AKAP9: variants seen among roughly 807,000 people sequenced by gnomAD.
The protein encoded by AKAP9 is A-kinase anchor protein 9.
A neutral mutation model predicts 488.5 loss-of-function variants in AKAP9; 311 were observed. The ratio of observed to expected loss-of-function variants is 0.64; its 90% CI spans 0.58 to 0.70. The LOEUF is 0.70. Ranked by LOEUF, AKAP9 falls within the 30% of genes least tolerant of loss-of-function variation. The pLI is 0.00. For missense variants in AKAP9, 4,215 were observed against 4,374.5 expected, an observed-to-expected ratio of 0.96 and a Z score of 1.03; for synonymous variants, 1,462 against 1,483.5, an observed-to-expected ratio of 0.99 and a Z score of 0.33.
rs545477502 is a variant in AKAP9, at chr7:91,972,905, C to T, written c.49-806C>T. Among the ~76,000 whole-genome samples the T allele has an allele frequency of 4.6e-5, 7 of 152,192 alleles. No individual in the cohort carries two copies. The East Asian group carries it at 1.2e-3, about 25-fold the overall frequency. Reference sequence around the variant, plus strand: ...TGCTGTTTGATATTTAAGTTATTTCCAGTTTTTTTTCCCATTATGAATAAG... The same window carrying T: ...TGCTGTTTGATATTTAAGTTATTTCTAGTTTTTTTTCCCATTATGAATAAG... On this transcript the variant is annotated intron_variant, in intron 1 of 49. Coordinates refer to ENST00000356239, the MANE Select transcript of AKAP9 (RefSeq NM_005751.5).
At chr7:92,100,770 C>A in intron 44 of AKAP9, 86 bp from the exon 45 acceptor site, 1 of 1,503,634 alleles carries the variant, frequency 6.7e-7, no homozygotes, top group Non-Finnish European at 9.2e-7. Context: ...AAAGTTGAGA[C>A]TGCATCATCA....
chr7:91,992,809 G>T, intron 4 of AKAP9, 76 bp from the exon 5 acceptor site: 2 of 1,399,696 alleles, frequency 1.4e-6, no homozygotes, highest in Non-Finnish European at 1.0e-6. Context: ...ACCTTGCTAT[G>T]GATTTCAGTA....
intron 20 of AKAP9, 54 bp from the exon 21 acceptor site, chr7:92,044,954 G>C: frequency 7.2e-7 from 1 of 1,394,704 alleles, no homozygotes; most frequent in Admixed American, 1.7e-5. Context: ...CATAAGCAAA[G>C]TGTTTGCTTC....
Position 92,079,460 on chromosome 7 carries a change from A to AT in AKAP9, c.7329dup (p.Gln2444SerfsTer7). On this transcript the variant is annotated frameshift_variant, in exon 31 of 50. Transcript: ENST00000356239. LOFTEE classifies it high-confidence loss of function. ...GAGAGAACGTGAAAGTGTGGAAAAG[A>AT]TTCAAAGCATACCAGAGAATAGTGT... is the stretch of plus-strand genomic sequence containing the variant. 1 of 1,614,080 alleles carries AT rather than the reference A, an allele frequency of 6.2e-7. No homozygotes were observed. Among genetic ancestry groups the AT allele is most frequent in the Non-Finnish European group, 8.5e-7 (1 of 1,180,010 alleles).
chr7:92,054,470 C>T (rs1808454627), intron 22 of AKAP9, among the ~76,000 whole-genome samples: 1 of 151,962 alleles, frequency 6.6e-6, no homozygotes, highest in Admixed American at 6.6e-5. Flanking sequence ...TACTCTGAGA[C>T]CAGAGAAGAG....
In AKAP9 at chr7:92,080,046, A is replaced by G; in HGVS notation, c.7913A>G (p.Glu2638Gly). Residue 2638 changes from glutamate (E) to glycine (G), a missense_variant, in exon 31 of 50, where the codon GAA becomes GGA. Physicochemically the swap from Glu to Gly is moderately conservative, Grantham distance 98. Around this residue, in one of 5 missense-constraint regions of AKAP9, gnomAD observed 1,476 missense variants for 1,477.4 expected, o/e 1.00. Transcript: ENST00000356239. Reference protein sequence around the residue: ...QVEIAEKNVLEKEKKLLELQK... With the variant: ...QVEIAEKNVLGKEKKLLELQK... ...GAAATTGCAGAAAAAAATGTTTTAG[A>G]AAAAGAAAAGAAGCTGCTAGAACTA... 6.4e-7 allele frequency: 1 copy of G among 1,564,472 alleles called. No individual in the cohort carries two copies. Among genetic ancestry groups the G allele is most frequent in the Non-Finnish European group, 8.6e-7 (1 of 1,164,938 alleles).
chr7:91,976,226 T>A (rs1277024595), intron 2 of AKAP9, among the ~76,000 whole-genome samples: 1 of 151,454 alleles, frequency 6.6e-6, no homozygotes, highest in African/African-American at 2.4e-5. Flanking sequence ...CCCATCCACT[T>A]ATTTTATTGT....
At chr7:92,037,959 T>C (rs1407638907) in intron 16 of AKAP9, among the ~76,000 whole-genome samples, 1 of 152,156 alleles carries the variant, frequency 6.6e-6, no homozygotes, top group Non-Finnish European at 1.5e-5. Context: ...CTTGAAGAGG[T>C]ATTTACTATA....
chr7:91,981,957 T>G (rs1562930549), intron 3 of AKAP9, among the ~76,000 whole-genome samples: 1 of 152,198 alleles, frequency 6.6e-6, no homozygotes, highest in Non-Finnish European at 1.5e-5. Context: ...TTAAACTGCC[T>G]GTATCTCTGG....
At chr7:92,070,731 G>A (rs1480491440) in intron 27 of AKAP9, among the ~76,000 whole-genome samples, 174 bp from the exon 28 acceptor site, 5 of 148,322 alleles carry the variant, frequency 3.4e-5, no homozygotes, top group South Asian at 2.1e-4. Flanking sequence ...CATCATGCCC[G>A]GCCAACTTTT....
chr7:92,046,006 G>A (rs931809869), intron 21 of AKAP9, among the ~76,000 whole-genome samples: 1 of 151,630 alleles, frequency 6.6e-6, no homozygotes, highest in African/African-American at 2.4e-5. Flanking sequence ...GCTAATTTTT[G>A]TATTTTTAGT....
chr7:92,057,276 T>G (rs1748198149), intron 22 of AKAP9, among the ~76,000 whole-genome samples: 4 of 152,138 alleles, frequency 2.6e-5, no homozygotes, highest in Non-Finnish European at 4.4e-5. Flanking sequence ...AGAAATAACT[T>G]TGATTATTTT....
intron 39 of AKAP9, 64 bp from the exon 40 acceptor site, chr7:92,094,957 TTC>T: frequency 5.4e-6 from 8 of 1,492,848 alleles, no homozygotes; most frequent in Non-Finnish European, 6.5e-6. Context: ...GAAGCTGTTT[TTC>T]TCTCTCTCAT....
chr7:91,996,072 A>G (rs1172273148), intron 7 of AKAP9: 1 of 394,728 alleles, frequency 2.5e-6, no homozygotes, highest in Non-Finnish European at 4.5e-6. Flanking sequence ...GTCATTTATA[A>G]TTATTTCCAC....
chr7:92,037,886 T>G (rs1380573573), intron 16 of AKAP9, among the ~76,000 whole-genome samples: 1 of 152,192 alleles, frequency 6.6e-6, no homozygotes, highest in African/African-American at 2.4e-5. Context: ...TTATACTACA[T>G]CTATGTAATA....
intron 10 of AKAP9, among the ~76,000 whole-genome samples, chr7:92,014,985 G>T (rs1374090024): frequency 6.6e-6 from 1 of 152,128 alleles, no homozygotes; most frequent in Non-Finnish European, 1.5e-5. Context: ...CAGTTTCTTT[G>T]TCTGTAAATT....
At chr7:91,958,786 A>G (rs1793362816) in intron 1 of AKAP9, among the ~76,000 whole-genome samples, 1 of 152,108 alleles carries the variant, frequency 6.6e-6, no homozygotes, top group Non-Finnish European at 1.5e-5. Context: ...ACGTTACTTA[A>G]ATCTTACTCT....
intron 21 of AKAP9, among the ~76,000 whole-genome samples, chr7:92,049,112 A>G (rs1807485691): frequency 6.6e-6 from 1 of 152,216 alleles, no homozygotes. Flanking sequence ...GGGAATGAAC[A>G]TGATATAATC....
In AKAP9 at chr7:92,079,936, A is replaced by G. The variant is rs1221525793; in HGVS notation, c.7803A>G (p.Ile2601Met). 3.1e-6 allele frequency: 5 copies of G among 1,612,098 alleles called. No individual in the cohort carries two copies. The East Asian group carries it at 8.9e-5, about 29-fold the overall frequency. Residue 2601 changes from isoleucine to methionine, a missense_variant, in exon 31 of 50, where the codon ATA becomes ATG. Transcript: ENST00000356239. ...GAGAAGATGAGTTGGGGTCAGATAT[A>G]TCAGCATTAACCTTGAGAATATCAG... Reference protein sequence around the residue: ...QLREDELGSDISALTLRISEL... With the variant: ...QLREDELGSDMSALTLRISEL...
Sources: allele counts gnomAD v4.1 joint callset (sites outside exome capture counted in the v4.1 genomes callset), GRCh38; gene constraint gnomAD v4.1.1; regional missense constraint gnomAD v4.1.1; transcripts MANE v1.5; gene names NCBI Gene and HGNC (gene_info 2026-07-23, HGNC 2026-07-21).